FOXO1: variants seen among roughly 807,000 people sequenced by gnomAD.
FOXO1 encodes the protein forkhead box O1, also known as forkhead box protein O1.
Under a neutral mutation model 44.1 loss-of-function variants are expected in FOXO1, and 6 were observed. That is an observed-to-expected ratio of 0.14 (90% CI 0.07 to 0.27). FOXO1 has a LOEUF of 0.27. FOXO1 is among the 10% of genes least tolerant of loss of function. FOXO1 has a pLI of 1.00. For synonymous variants in FOXO1, 380 were observed against 362.7 expected (o/e 1.05, Z -0.54); for missense variants, 737 against 888.8 (o/e 0.83, Z 2.17).
At chr13:40,605,090 T>C (rs1181279801) in intron 1 of FOXO1, among the ~76,000 whole-genome samples, 1 of 151,734 alleles carries the variant, frequency 6.6e-6, no homozygotes, top group Non-Finnish European at 1.5e-5. Context: ...ATCATATATA[T>C]GTATATGTTG....
intron 1 of FOXO1, among the ~76,000 whole-genome samples, chr13:40,590,686 G>A (rs1361219469): frequency 6.6e-6 from 1 of 152,186 alleles, no homozygotes; most frequent in African/African-American, 2.4e-5. Context: ...CGGGAGATGT[G>A]GAGATATGCT....
intron 1 of FOXO1, among the ~76,000 whole-genome samples, chr13:40,561,622 G>A (rs1233087032): frequency 2.6e-5 from 4 of 151,490 alleles, no homozygotes; most frequent in Non-Finnish European, 4.4e-5. Flanking sequence ...TTATATTACT[G>A]GGCCCACATA....
intron 1 of FOXO1, among the ~76,000 whole-genome samples, chr13:40,628,984 G>T (rs1876875510): frequency 6.6e-6 from 1 of 152,216 alleles, no homozygotes; most frequent in African/African-American, 2.4e-5. Flanking sequence ...CCAAAGAGCA[G>T]GACCTGTGGG....
intron 1 of FOXO1, among the ~76,000 whole-genome samples, chr13:40,643,038 T>C (rs1024084887): frequency 2.6e-5 from 4 of 152,094 alleles, no homozygotes; most frequent in African/African-American, 9.7e-5. Context: ...TAAAAGTGTT[T>C]GTTACTTAAA....
chr13:40,658,117 C>T (rs1182743609), intron 1 of FOXO1, among the ~76,000 whole-genome samples: 2 of 152,144 alleles, frequency 1.3e-5, no homozygotes, highest in East Asian at 3.8e-4. Flanking sequence ...GACAAAAATT[C>T]CTCTGGGTAG....
At chr13:40,638,355 C>T (rs1453433903) in intron 1 of FOXO1, among the ~76,000 whole-genome samples, 3 of 151,718 alleles carry the variant, frequency 2.0e-5, no homozygotes, top group Admixed American at 6.6e-5. Flanking sequence ...GTAAGGAAGA[C>T]ATTATATGAA....
chr13:40,562,307 C>T (rs1874063963), intron 1 of FOXO1, among the ~76,000 whole-genome samples: 1 of 152,162 alleles, frequency 6.6e-6, no homozygotes, highest in Non-Finnish European at 1.5e-5. Flanking sequence ...CAAGCTACCG[C>T]AGCTTCATAA....
At chr13:40,638,304 T>A (rs1407675630) in intron 1 of FOXO1, among the ~76,000 whole-genome samples, 1 of 152,062 alleles carries the variant, frequency 6.6e-6, no homozygotes, top group African/African-American at 2.4e-5. Context: ...ATCACCATCA[T>A]CACCATAAGG....
chr13:40,650,830 C>A (rs1877656611), intron 1 of FOXO1, among the ~76,000 whole-genome samples: 1 of 152,216 alleles, frequency 6.6e-6, no homozygotes, highest in Non-Finnish European at 1.5e-5. Flanking sequence ...TCTTGGCTCA[C>A]TGCAACCTCT....
chr13:40,628,850 A>AC (rs1323238774), intron 1 of FOXO1, among the ~76,000 whole-genome samples: 1 of 152,080 alleles, frequency 6.6e-6, no homozygotes, highest in Non-Finnish European at 1.5e-5. Context: ...AAACAGACTC[A>AC]CCTCTCACTC....
intron 1 of FOXO1, among the ~76,000 whole-genome samples, chr13:40,573,793 C>A (rs991954442): frequency 2.0e-5 from 3 of 152,206 alleles, no homozygotes; most frequent in Non-Finnish European, 2.9e-5. Flanking sequence ...TTTTAAAACA[C>A]ACTGGCTATG....
intron 1 of FOXO1, among the ~76,000 whole-genome samples, chr13:40,582,937 T>C (rs544132254): frequency 3.3e-4 from 50 of 152,350 alleles, no homozygotes; most frequent in African/African-American, 1.1e-3. Flanking sequence ...TAATTTTACT[T>C]TGCCCAGATC....
chr13:40,643,776 A>G (rs1877428936), intron 1 of FOXO1, among the ~76,000 whole-genome samples: 1 of 152,184 alleles, frequency 6.6e-6, no homozygotes, highest in South Asian at 2.1e-4. Context: ...CAGGTGTGCT[A>G]AGCTTTAAGT....
chr13:40,573,730 C>A (rs1216490118), intron 1 of FOXO1, among the ~76,000 whole-genome samples: 3 of 152,074 alleles, frequency 2.0e-5, no homozygotes, highest in Non-Finnish European at 4.4e-5. Flanking sequence ...AACAAAAAAA[C>A]CTCACAGTTG....
At position 40,665,916 on chromosome 13, in the gene FOXO1, G is replaced by C. The variant is rs558034476; in HGVS notation, c.297C>G (p.Ala99=). ...CGCACAGCCCCCCGGTGGCGGCCGC[G>C]GCGGCCGCCGCCGCCACCGCCGCCG... ...SVAAAVAAAA[A]AAATGGLCGD... is the part of the protein sequence containing the mutation. Residue 99 remains alanine, a synonymous_variant, in exon 1 of 3, where the codon GCC becomes GCG. Transcript: ENST00000379561. The C allele has an allele frequency of 4.2e-6, 5 of 1,193,972 alleles. No individual in the cohort carries two copies. The Admixed American group carries it at 1.4e-4, about 33-fold the overall frequency. 74.0% of individuals were successfully genotyped at this position (1,193,972 alleles called of 1,614,324 possible).
intron 1 of FOXO1, chr13:40,619,905 T>A: frequency 1.4e-6 from 1 of 701,548 alleles, no homozygotes; most frequent in East Asian, 2.6e-5. Flanking sequence ...GGGCTAGATA[T>A]AATGTTACAG....
Position 40,665,596 on chromosome 13 carries a change from G to A in FOXO1, c.617C>T (p.Ser206Leu). 7.0e-7 allele frequency: 1 copy of A among 1,433,152 alleles called. No homozygotes were observed. The highest frequency in any genetic ancestry group is 9.3e-7 in the Non-Finnish European group (1 of 1,076,500). 88.8% of individuals were successfully genotyped at this position (1,433,152 alleles called of 1,614,324 possible). ...GAGTCCACTCACCTTCCAGCCCGCCGAGCTGTTGCTGTCACCCTTATCCTT... is the reference window on the plus strand; with the variant it reads ...GAGTCCACTCACCTTCCAGCCCGCCAAGCTGTTGCTGTCACCCTTATCCTT... ...YFKDKGDSNS[S>L]AGWKNSIRHN... The change falls in exon 1 of 3, where the codon TCG becomes TTG. Residue 206 changes from serine (S) to leucine (L), a missense_variant. This residue lies in a region of FOXO1 where 49 missense variants were observed against 50.2 expected (regional missense o/e 0.98). Coordinates refer to ENST00000379561, the MANE Select transcript of FOXO1 (RefSeq NM_002015.4).
intron 1 of FOXO1, among the ~76,000 whole-genome samples, chr13:40,565,351 T>TAA (rs1302497708): frequency 6.6e-6 from 1 of 152,092 alleles, no homozygotes; most frequent in Non-Finnish European, 1.5e-5. Flanking sequence ...ACACAACCCA[T>TAA]AGACTGTCCA....
intron 1 of FOXO1, among the ~76,000 whole-genome samples, chr13:40,589,749 T>G (rs1166004757): frequency 6.6e-6 from 1 of 152,202 alleles, no homozygotes; most frequent in Non-Finnish European, 1.5e-5. Flanking sequence ...GAAATGTGCT[T>G]CTCATGTCAA....
Sources: allele counts gnomAD v4.1 joint callset (sites outside exome capture counted in the v4.1 genomes callset), GRCh38; gene constraint gnomAD v4.1.1; regional missense constraint gnomAD v4.1.1; transcripts MANE v1.5; gene names NCBI Gene and HGNC (gene_info 2026-07-23, HGNC 2026-07-21).